The following JAZF1 variants were observed in gnomAD, a reference collection of about 807,000 sequenced individuals.
JAZF1 encodes juxtaposed with another zinc finger protein 1.
In JAZF1, 8 loss-of-function variants were observed where a neutral mutation model predicts 26.4. That is an observed-to-expected ratio of 0.30 (90% CI 0.18 to 0.55). JAZF1 has a LOEUF of 0.55. Ranked by LOEUF, JAZF1 falls within the 20% of genes least tolerant of loss-of-function variation. JAZF1 has a pLI of 0.94. For missense variants in JAZF1, 199 were observed against 322.0 expected (o/e 0.62, Z 2.92); for synonymous variants, 126 against 122.3 (o/e 1.03, Z -0.20).
chr7:27,835,043 G>A (rs780964369), intron 4 of JAZF1, among the ~76,000 whole-genome samples: 83 of 152,290 alleles, frequency 5.5e-4, no homozygotes, highest in Non-Finnish European at 1.1e-3. Flanking sequence ...TGAGCACCTA[G>A]CAGGGTCCTT....
Position 27,937,431 on chromosome 7 carries a change from CA to C in JAZF1, c.189-42016del, listed in dbSNP as rs149425205. 7.0e-3 allele frequency among the ~76,000 whole-genome samples: 1,073 copies of C among 152,290 alleles called. 19 individuals carry two copies. Among genetic ancestry groups the C allele is most frequent in the African/African-American group, 0.024 (1,012 of 41,542 alleles). On this transcript the variant is annotated intron_variant, in intron 2 of 4. Transcript: ENST00000283928. ...TTAAATGAAGTACATAGCAATCACTCAATAGAGGCGGTTGCCATTAGTATTG... is the reference window on the plus strand; with the variant it reads ...TTAAATGAAGTACATAGCAATCACTCATAGAGGCGGTTGCCATTAGTATTG...
intron 1 of JAZF1, among the ~76,000 whole-genome samples, chr7:28,079,941 C>A (rs1028788876): frequency 3.9e-5 from 6 of 152,148 alleles, no homozygotes; most frequent in Admixed American, 3.3e-4. Context: ...GCAAGTCACA[C>A]TAATTTTTTG....
intron 2 of JAZF1, among the ~76,000 whole-genome samples, chr7:27,961,707 C>T (rs957764): frequency 0.94 from 143,822 of 152,322 alleles, 68,015 homozygotes; most frequent in East Asian, 1. Flanking sequence ...TTGATGCTAG[C>T]TGGACTTGTC....
intron 2 of JAZF1, among the ~76,000 whole-genome samples, chr7:27,960,857 G>C (rs1371358786): frequency 6.6e-6 from 1 of 152,178 alleles, no homozygotes; most frequent in Non-Finnish European, 1.5e-5. Flanking sequence ...AAGCAGCAGA[G>C]GGGAGATGCT....
chr7:28,106,827 G>C (rs1490233131), intron 1 of JAZF1, among the ~76,000 whole-genome samples: 1 of 152,190 alleles, frequency 6.6e-6, no homozygotes, highest in South Asian at 2.1e-4. Flanking sequence ...ATAAGCAAGA[G>C]ACACAGCATT....
intron 3 of JAZF1, among the ~76,000 whole-genome samples, chr7:27,849,234 C>G (rs76999312): frequency 6.6e-6 from 1 of 152,188 alleles, no homozygotes; most frequent in African/African-American, 2.4e-5. Flanking sequence ...CAAAACCACA[C>G]GTGACGTTCA....
chr7:28,140,787 T>A (rs1170211452), intron 1 of JAZF1, among the ~76,000 whole-genome samples: 1 of 152,230 alleles, frequency 6.6e-6, no homozygotes, highest in Non-Finnish European at 1.5e-5. Flanking sequence ...CACATTGTTA[T>A]GGTAAGAGAA....
At chr7:27,919,428 G>A (rs1205588262) in intron 2 of JAZF1, among the ~76,000 whole-genome samples, 2 of 152,174 alleles carry the variant, frequency 1.3e-5, no homozygotes, top group Non-Finnish European at 2.9e-5. Flanking sequence ...TGTGATGAGA[G>A]TTAAAGAAAA....
At chr7:28,008,140 G>A (rs1030554168) in intron 1 of JAZF1, among the ~76,000 whole-genome samples, 1 of 152,156 alleles carries the variant, frequency 6.6e-6, no homozygotes, top group Non-Finnish European at 1.5e-5. Flanking sequence ...CTTTACCTGT[G>A]AAAAGATAAT....
intron 1 of JAZF1, among the ~76,000 whole-genome samples, chr7:28,169,627 T>G (rs1014140572): frequency 5.9e-5 from 9 of 152,198 alleles, no homozygotes; most frequent in African/African-American, 2.2e-4. Flanking sequence ...GAGGCCAAGC[T>G]TTCCATAAGA....
At chr7:28,015,176 C>T (rs545626055) in intron 1 of JAZF1, among the ~76,000 whole-genome samples, 6 of 152,134 alleles carry the variant, frequency 3.9e-5, no homozygotes, top group Non-Finnish European at 5.9e-5. Context: ...CGAAGCACCT[C>T]GGCATAGCTT....
intron 2 of JAZF1, among the ~76,000 whole-genome samples, chr7:27,985,157 T>C (rs991173901): frequency 1.3e-5 from 2 of 152,016 alleles, no homozygotes; most frequent in Non-Finnish European, 2.9e-5. Context: ...AATCAATGAA[T>C]CCAGGAGCTG....
At chr7:27,961,803 G>A (rs1785189446) in intron 2 of JAZF1, among the ~76,000 whole-genome samples, 1 of 152,154 alleles carries the variant, frequency 6.6e-6, no homozygotes. Flanking sequence ...ATTTTAAGGG[G>A]GAAATTGTAC....
intron 3 of JAZF1, among the ~76,000 whole-genome samples, chr7:27,874,615 C>T (rs1412112782): frequency 6.6e-6 from 1 of 152,194 alleles, no homozygotes; most frequent in African/African-American, 2.4e-5. Flanking sequence ...CTTAGGAAAA[C>T]ATTATTCTTT....
chr7:27,957,028 G>A (rs1378089572), intron 2 of JAZF1, among the ~76,000 whole-genome samples: 5 of 152,126 alleles, frequency 3.3e-5, no homozygotes, highest in Admixed American at 2.0e-4. Flanking sequence ...TGAAAAGTTC[G>A]TGCCGCTGAC....
intron 2 of JAZF1, among the ~76,000 whole-genome samples, chr7:27,956,721 G>A (rs1785100724): frequency 6.6e-6 from 1 of 152,178 alleles, no homozygotes. Context: ...AAGGAGGATG[G>A]GGTGAAAATG....
chr7:27,922,834 C>T (rs1427133876), intron 2 of JAZF1, among the ~76,000 whole-genome samples: 4 of 152,134 alleles, frequency 2.6e-5, no homozygotes, highest in East Asian at 1.9e-4. Flanking sequence ...GTGCCAGAGC[C>T]GTCTCCTCAA....
intron 1 of JAZF1, among the ~76,000 whole-genome samples, chr7:28,154,978 T>C (rs955388083): frequency 4.0e-5 from 6 of 151,724 alleles, no homozygotes; most frequent in African/African-American, 1.5e-4. Flanking sequence ...GTAGATACAG[T>C]AAGATATTTG....
intron 1 of JAZF1, among the ~76,000 whole-genome samples, chr7:28,064,012 A>AT (rs1783839894): frequency 6.6e-6 from 1 of 152,030 alleles, no homozygotes; most frequent in African/African-American, 2.4e-5. Flanking sequence ...TAAATGCTCC[A>AT]TTTTTTCTCT....
Sources: allele counts gnomAD v4.1 joint callset (sites outside exome capture counted in the v4.1 genomes callset), GRCh38; gene constraint gnomAD v4.1.1; transcripts MANE v1.5; gene names NCBI Gene and HGNC (gene_info 2026-07-23, HGNC 2026-07-21).